The following ANKS1B variants were observed in gnomAD, a reference collection of about 807,000 sequenced individuals.
ANKS1B encodes the protein ankyrin repeat and sterile alpha motif domain-containing protein 1B.
Under a neutral mutation model 148.3 loss-of-function variants are expected in ANKS1B, and 36 were observed. The observed-to-expected ratio is 0.24, with a 90% CI of 0.19 to 0.32. The LOEUF is 0.32. ANKS1B is among the 10% of genes least tolerant of loss of function. The pLI is 1.00. For synonymous variants in ANKS1B, 542 were observed against 560.8 expected, an observed-to-expected ratio of 0.97 and a Z score of 0.47; for missense variants, 1,157 against 1,542.6, an observed-to-expected ratio of 0.75 and a Z score of 4.19.
At chr12:99,920,642 G>A (rs1397084711) in intron 1 of ANKS1B, among the ~76,000 whole-genome samples, 3 of 152,200 alleles carry the variant, frequency 2.0e-5, no homozygotes, top group African/African-American at 4.8e-5. Flanking sequence ...CAGGAAAGCC[G>A]GTGGTGCGAT....
chr12:99,211,283 C>A (rs2083310578), intron 14 of ANKS1B, among the ~76,000 whole-genome samples: 1 of 152,166 alleles, frequency 6.6e-6, no homozygotes, highest in Admixed American at 6.5e-5. Context: ...TGCCACATCA[C>A]CAAGCCGAAA....
At chr12:99,855,582 C>T (rs1414599752) in intron 1 of ANKS1B, among the ~76,000 whole-genome samples, 1 of 152,142 alleles carries the variant, frequency 6.6e-6, no homozygotes, top group Non-Finnish European at 1.5e-5. Context: ...ATTTACAGAA[C>T]ATTCTATGCA....
chr12:99,525,769 C>T (rs2096920835), intron 9 of ANKS1B, among the ~76,000 whole-genome samples: 1 of 152,096 alleles, frequency 6.6e-6, no homozygotes. Flanking sequence ...ATAAGAATAA[C>T]TTTTGACCAG....
At chr12:99,047,449 G>C (rs1433788267) in intron 17 of ANKS1B, among the ~76,000 whole-genome samples, 3 of 152,084 alleles carry the variant, frequency 2.0e-5, no homozygotes, top group African/African-American at 7.2e-5. Flanking sequence ...TTCCAAAGTT[G>C]ATGACAATGA....
chr12:98,817,009 A>C (rs536022935), intron 19 of ANKS1B, among the ~76,000 whole-genome samples: 94 of 152,310 alleles, frequency 6.2e-4, no homozygotes, highest in African/African-American at 2.2e-3. Flanking sequence ...AAAAAAAAGA[A>C]AAAAAGACTT....
Position 99,846,085 on chromosome 12 carries a change from C to A in ANKS1B, c.135-20696G>T, listed in dbSNP as rs192539331. Among the ~76,000 whole-genome samples, 28 of 152,132 alleles carry A rather than the reference C, an allele frequency of 1.8e-4. No individual in the cohort carries two copies. The East Asian group carries it at 5.2e-3, about 28-fold the overall frequency. On this transcript the variant is annotated intron_variant, in intron 1 of 26. Coordinates refer to ENST00000683438, the MANE Select transcript of ANKS1B (RefSeq NM_001352186.2). ...GTTTAACTTAACTAGTAGAGTTTTGCCTATCCATTTATTTTCCTTCTATTT... is the reference window on the plus strand; with the variant it reads ...GTTTAACTTAACTAGTAGAGTTTTGACTATCCATTTATTTTCCTTCTATTT...
At chr12:99,399,940 T>C in intron 11 of ANKS1B, 129 bp from the exon 12 acceptor site, 3 of 799,246 alleles carry the variant, frequency 3.8e-6, no homozygotes, top group Non-Finnish European at 2.0e-6. Context: ...ACTTAAAATA[T>C]AATTGTGCTT....
intron 17 of ANKS1B, among the ~76,000 whole-genome samples, chr12:98,844,802 G>A (rs1163935884): frequency 6.6e-6 from 1 of 152,070 alleles, no homozygotes; most frequent in Non-Finnish European, 1.5e-5. Context: ...TTTATTAATG[G>A]CATCAAAATA....
intron 14 of ANKS1B, among the ~76,000 whole-genome samples, chr12:99,172,159 A>C (rs1425013102): frequency 6.6e-6 from 1 of 152,206 alleles, no homozygotes; most frequent in Non-Finnish European, 1.5e-5. Context: ...GAGGAACTAC[A>C]AATGATTCAT....
intron 12 of ANKS1B, among the ~76,000 whole-genome samples, chr12:99,251,226 T>C (rs1409880815): frequency 6.6e-6 from 1 of 152,176 alleles, no homozygotes; most frequent in Non-Finnish European, 1.5e-5. Flanking sequence ...ATATGCTGCA[T>C]AGAACACTAA....
intron 8 of ANKS1B, among the ~76,000 whole-genome samples, chr12:99,712,605 C>T (rs893294169): frequency 3.9e-5 from 6 of 152,200 alleles, no homozygotes; most frequent in African/African-American, 1.4e-4. Context: ...TCTAAAGGAT[C>T]TATGGGTGAG....
intron 15 of ANKS1B, among the ~76,000 whole-genome samples, chr12:99,140,808 T>C (rs1287721328): frequency 1.3e-5 from 2 of 152,126 alleles, no homozygotes; most frequent in Non-Finnish European, 2.9e-5. Flanking sequence ...GCCCTAAGCA[T>C]GGCCCTGTAA....
At chr12:98,941,967 G>T (rs2099837458) in intron 17 of ANKS1B, among the ~76,000 whole-genome samples, 1 of 152,114 alleles carries the variant, frequency 6.6e-6, no homozygotes, top group Non-Finnish European at 1.5e-5. Flanking sequence ...TTTGAGCCGG[G>T]CACAGTGGCT....
At chr12:98,963,212 C>G (rs1438684024) in intron 17 of ANKS1B, among the ~76,000 whole-genome samples, 6 of 150,402 alleles carry the variant, frequency 4.0e-5, no homozygotes, top group African/African-American at 1.2e-4. Flanking sequence ...CAGAGTTTGG[C>G]TCTGTCACCC....
intron 25 of ANKS1B, among the ~76,000 whole-genome samples, chr12:98,769,861 A>G (rs1400602128): frequency 6.6e-6 from 1 of 152,270 alleles, no homozygotes; most frequent in East Asian, 1.9e-4. Flanking sequence ...TTGATGTTCA[A>G]TGCAAACACG....
intron 9 of ANKS1B, among the ~76,000 whole-genome samples, chr12:99,610,185 G>C (rs1420486035): frequency 2.6e-5 from 4 of 152,112 alleles, no homozygotes; most frequent in Non-Finnish European, 5.9e-5. Context: ...AAGGCCCACA[G>C]ACCCAAGAGG....
intron 1 of ANKS1B, among the ~76,000 whole-genome samples, chr12:99,950,248 C>T (rs1304973648): frequency 6.6e-6 from 1 of 151,072 alleles, no homozygotes; most frequent in Non-Finnish European, 1.5e-5. Context: ...GCGTAAGCCA[C>T]TTCACCTGGC....
At chr12:99,509,893 T>C (rs373833874) in intron 9 of ANKS1B, among the ~76,000 whole-genome samples, 6 of 152,130 alleles carry the variant, frequency 3.9e-5, no homozygotes, top group East Asian at 3.9e-4. Flanking sequence ...GCTAGTGCAG[T>C]TGATGACTTT....
intron 12 of ANKS1B, among the ~76,000 whole-genome samples, chr12:99,354,487 G>A (rs2091779771): frequency 6.6e-6 from 1 of 151,950 alleles, no homozygotes. Flanking sequence ...CTCATGTTGA[G>A]TGTTAAGTGA....
Sources: allele counts gnomAD v4.1 joint callset (sites outside exome capture counted in the v4.1 genomes callset), GRCh38; gene constraint gnomAD v4.1.1; transcripts MANE v1.5; gene names NCBI Gene and HGNC (gene_info 2026-07-23, HGNC 2026-07-21).